Variants in CCNT1 observed in about 807,000 individuals in gnomAD.
CCNT1 encodes the protein cyclin-T1.
A neutral mutation model predicts 67.3 loss-of-function variants in CCNT1; 18 were observed. The observed-to-expected ratio is 0.27, with a 90% confidence interval of 0.18 to 0.40. The LOEUF is 0.40. Ranked by LOEUF, CCNT1 falls within the 10% of genes least tolerant of loss-of-function variation. CCNT1 has a pLI of 1.00. For synonymous variants in CCNT1, 333 were observed against 310.3 expected (o/e 1.07, Z -0.77); for missense variants, 744 against 884.9 (o/e 0.84, Z 2.02).
chr12:48,698,208 G>T, intron 5 of CCNT1, 25 bp from the exon 6 acceptor site: 1 of 1,460,920 alleles, frequency 6.8e-7, no homozygotes, highest in Non-Finnish European at 9.3e-7. Context: ...AAAAAGTCAG[G>T]GGTGGGGGAG....
In CCNT1 at chr12:48,694,316, T is replaced by G; in HGVS notation, c.898A>C (p.Met300Leu). The G allele has an allele frequency of 6.2e-7, 1 of 1,614,224 alleles. No individual in the cohort carries two copies. Among genetic ancestry groups the G allele is most frequent in the South Asian group, 1.1e-5 (1 of 91,088 alleles). The stretch of plus-strand genomic sequence containing the variant: ...CTTGTGGTAGAAGTTGACATGCTCA[T>G]TAAACCTGCAATGGTTGTGTCTGAA... ...SSSDTTIAGL[M>L]SMSTSTTSAV... Residue 300 changes from methionine (M) to leucine (L), a missense_variant, in exon 9 of 9, where the codon ATG becomes CTG. Around this residue, in one of 3 missense-constraint regions of CCNT1, gnomAD observed 564 missense variants for 574.2 expected, o/e 0.98. Transcript: ENST00000261900.
chr12:48,695,640 C>T (rs1940158407), intron 8 of CCNT1, 119 bp downstream of exon 8: 3 of 663,816 alleles, frequency 4.5e-6, no homozygotes, highest in Non-Finnish European at 8.1e-6. Context: ...GTCATGATTA[C>T]TGTGTAACTA....
At chr12:48,701,390 T>G (rs1013993322) in intron 3 of CCNT1, among the ~76,000 whole-genome samples, 6 of 151,670 alleles carry the variant, frequency 4.0e-5, no homozygotes, top group Non-Finnish European at 7.4e-5. Flanking sequence ...CACGCCCGGC[T>G]AATTTTTTTG....
chr12:48,714,425 TA>T lies in CCNT1; in HGVS notation c.243+17del. On this transcript the variant is annotated intron_variant, in intron 2 of 8. Transcript: ENST00000261900. The stretch of plus-strand genomic sequence containing the variant: ...TCAATCACAAAAGGATTATATCATA[TA>T]AAAAAATTATACTTACATTTCCAGG... The T allele has an allele frequency of 4.7e-6, 7 of 1,493,752 alleles. No individual in the cohort carries two copies. Among genetic ancestry groups the T allele is most frequent in the Non-Finnish European group, 6.5e-6 (7 of 1,071,676 alleles). The allele number at this position is 1,493,752 out of a possible 1,614,324, so 92.5% of individuals were successfully genotyped here.
At position 48,698,200 on chromosome 12, in the gene CCNT1, A is replaced by AAC. The variant is rs1940209462; in HGVS notation, c.497-18_497-17insGT. On this transcript the variant is annotated splice_polypyrimidine_tract_variant and intron_variant, in intron 5 of 8. Coordinates refer to ENST00000261900, the MANE Select transcript of CCNT1 (RefSeq NM_001240.4). ...CCTTGCTTGCTAAAGAAAAAAAAAA[A>AAC]AAGTCAGGGGTGGGGGAGGAAAAAA... is the stretch of plus-strand genomic sequence containing the variant. The AAC allele has an allele frequency of 1.3e-6, 2 of 1,562,356 alleles. No individual in the cohort carries two copies. Among genetic ancestry groups the AAC allele is most frequent in the East Asian group, 2.3e-5 (1 of 44,438 alleles).
At chr12:48,697,926 T>C (rs990447971) in intron 6 of CCNT1, 4 of 309,094 alleles carry the variant, frequency 1.3e-5, no homozygotes, top group African/African-American at 2.2e-5. Context: ...TCAGTCACTA[T>C]CATGCAGAAC....
At chr12:48,714,156 T>C (rs967048458) in intron 2 of CCNT1, among the ~76,000 whole-genome samples, 7 of 152,158 alleles carry the variant, frequency 4.6e-5, no homozygotes, top group Non-Finnish European at 8.8e-5. Flanking sequence ...GATCCTCCCA[T>C]CTCAGTCTCT....
chr12:48,692,979 G>A lies in CCNT1; in HGVS notation c.*54C>T. ...ATTTTCTTAGTCCAAAAAAAAAAAA[G>A]AAAAATTATGTGTTTTTTTAAAGAA... is the stretch of plus-strand genomic sequence containing the variant. On this transcript the variant is annotated 3_prime_UTR_variant, in exon 9 of 9. Transcript: ENST00000261900. 22 of 1,106,060 alleles carry A rather than the reference G, an allele frequency of 2.0e-5. No individual in the cohort carries two copies. The highest frequency in any genetic ancestry group is 8.8e-5 in the South Asian group (5 of 56,714). 68.5% of individuals were successfully genotyped at this position (1,106,060 alleles called of 1,614,324 possible).
rs889822518 is a variant in CCNT1 at position 48,693,680 on chromosome 12, T to C, written c.1534A>G (p.Thr512Ala). The change falls in exon 9 of 9, where the codon ACT becomes GCT. Residue 512 changes from threonine (T) to alanine (A), a missense_variant. Thr to Ala is a moderately conservative substitution (Grantham distance 58, BLOSUM62 0). Coordinates refer to ENST00000261900, the MANE Select transcript of CCNT1 (RefSeq NM_001240.4). ...KSREHKEKHKTHPSNHHHHHN... is the reference protein window; with the variant it reads ...KSREHKEKHKAHPSNHHHHHN... ...TGATGATGATGATTAGATGGGTGAGTCTTGTGCTTTTCTTTGTGCTCTCGG... is the reference window on the plus strand; with the variant it reads ...TGATGATGATGATTAGATGGGTGAGCCTTGTGCTTTTCTTTGTGCTCTCGG... 6.2e-7 allele frequency: 1 copy of C among 1,613,790 alleles called. No homozygotes were observed. Among genetic ancestry groups the C allele is most frequent in the African/African-American group, 1.3e-5 (1 of 74,838 alleles).
intron 3 of CCNT1, among the ~76,000 whole-genome samples, chr12:48,703,582 A>C (rs548000146): frequency 6.6e-6 from 1 of 151,796 alleles, no homozygotes; most frequent in South Asian, 2.1e-4. Context: ...TCGAAAAAAA[A>C]GTTAAAAAAA....
chr12:48,707,052 C>T (rs529178316), intron 2 of CCNT1, among the ~76,000 whole-genome samples: 23 of 152,166 alleles, frequency 1.5e-4, no homozygotes, highest in African/African-American at 3.9e-4. Flanking sequence ...CATACACATA[C>T]GGAAAAAACT....
At position 48,693,574 on chromosome 12, in the gene CCNT1, T is replaced by C. The variant is rs891616597; in HGVS notation, c.1640A>G (p.His547Arg). 2.5e-6 allele frequency: 4 copies of C among 1,613,974 alleles called. No homozygotes were observed. In the African/African-American group the frequency reaches 4.0e-5, roughly 16 times the overall value. ...TGNKRPGDPK[H>R]SSQTSNLAHK... ...TGCTAAGTTGCTTGTCTGGCTACTA[T>C]GTTTTGGATCACCAGGACGTTTGTT... is the stretch of plus-strand genomic sequence containing the variant. The change falls in exon 9 of 9, where the codon CAT (histidine) becomes CGT (arginine). Residue 547 changes from histidine (H) to arginine (R), a missense_variant. His to Arg is a conservative substitution (Grantham distance 29). Around this residue, in one of 3 missense-constraint regions of CCNT1, gnomAD observed 564 missense variants for 574.2 expected, o/e 0.98. Coordinates refer to ENST00000261900, the MANE Select transcript of CCNT1 (RefSeq NM_001240.4).
intron 2 of CCNT1, among the ~76,000 whole-genome samples, chr12:48,707,622 C>A (rs11838360): frequency 0.021 from 3,091 of 147,542 alleles, 109 homozygotes; most frequent in African/African-American, 0.078. Flanking sequence ...TGAAAAATAT[C>A]GTTTAAGAAA....
At chr12:48,704,168 A>C (rs1190514489) in intron 3 of CCNT1, among the ~76,000 whole-genome samples, 1 of 152,322 alleles carries the variant, frequency 6.6e-6, no homozygotes, top group East Asian at 1.9e-4. Context: ...TATAGAAAAG[A>C]AGCCACAAAT....
In CCNT1 at chr12:48,694,165, C is replaced by T. The variant is rs755691198; in HGVS notation, c.1049G>A (p.Arg350Gln). ...SFKLEPTQGH[R>Q]TSENLALTGV... ...TGTAAGTGCTAAATTCTCACTAGTC[C>T]GATGACCCTGAGTAGGTTCTAGTTT... The change falls in exon 9 of 9, where the codon CGG becomes CAG. Residue 350 changes from arginine to glutamine, a missense_variant. Physicochemically the swap from Arg to Gln is conservative, Grantham distance 43. Coordinates refer to ENST00000261900, the MANE Select transcript of CCNT1 (RefSeq NM_001240.4). 2.6e-5 allele frequency: 42 copies of T among 1,614,016 alleles called. No homozygotes were observed. Among genetic ancestry groups the T allele is most frequent in the Non-Finnish European group, 3.4e-5 (40 of 1,180,038 alleles).
At chr12:48,709,370 G>C (rs1169671095) in intron 2 of CCNT1, among the ~76,000 whole-genome samples, 1 of 152,062 alleles carries the variant, frequency 6.6e-6, no homozygotes, top group African/African-American at 2.4e-5. Flanking sequence ...CTTTCAGTAG[G>C]GCAAACTGAC....
At chr12:48,716,352 GCTAA>G (rs774799896) in intron 1 of CCNT1, among the ~76,000 whole-genome samples, 159 bp downstream of exon 1, 50 of 152,334 alleles carry the variant, frequency 3.3e-4, no homozygotes, top group East Asian at 5.8e-4. Flanking sequence ...CTTCCCTAGC[GCTAA>G]CTGAGTTTCA....
intron 2 of CCNT1, among the ~76,000 whole-genome samples, 176 bp from the exon 3 acceptor site, chr12:48,706,072 C>A (rs1305206257): frequency 6.6e-6 from 1 of 151,762 alleles, no homozygotes; most frequent in Non-Finnish European, 1.5e-5. Flanking sequence ...ACCCATTAAT[C>A]CATCTCCACT....
Position 48,693,748 on chromosome 12 carries a change from G to A in CCNT1, c.1466C>T (p.Ala489Val), listed in dbSNP as rs151213150. ...EIKMRIKVHAAADKHNSVEDS... is the reference protein window; with the variant it reads ...EIKMRIKVHAVADKHNSVEDS... Reference sequence around the variant, plus strand: ...CTCTACAGAATTGTGCTTATCAGCTGCAGCATGGACTTTTATGCGCATTTT... The same window carrying A: ...CTCTACAGAATTGTGCTTATCAGCTACAGCATGGACTTTTATGCGCATTTT... Residue 489 changes from alanine (A) to valine (V), a missense_variant, in exon 9 of 9, where the codon GCA becomes GTA. Ala to Val is a moderately conservative substitution (Grantham distance 64). Coordinates refer to ENST00000261900, the MANE Select transcript of CCNT1 (RefSeq NM_001240.4). 1.9e-4 allele frequency: 306 copies of A among 1,614,098 alleles called. 2 individuals are homozygous for A. In the African/African-American group the frequency reaches 3.0e-3, roughly 16 times the overall value.
Sources: allele counts gnomAD v4.1 joint callset (sites outside exome capture counted in the v4.1 genomes callset), GRCh38; gene constraint gnomAD v4.1.1; regional missense constraint gnomAD v4.1.1; transcripts MANE v1.5; gene names NCBI Gene and HGNC (gene_info 2026-07-23, HGNC 2026-07-21).